The following PRKCH variants were observed in gnomAD, a reference collection of about 807,000 sequenced individuals.
PRKCH encodes protein kinase C eta type.
Under a neutral mutation model 82.5 loss-of-function variants are expected in PRKCH, and 28 were observed. That is an observed-to-expected ratio of 0.34 (90% CI 0.25 to 0.47). The LOEUF (loss-of-function observed/expected upper bound fraction) is 0.47, where lower values mean the gene tolerates loss of function less well. PRKCH is among the 20% of genes least tolerant of loss of function. PRKCH has a pLI of 1.00. For missense variants in PRKCH, 705 were observed against 881.8 expected, an observed-to-expected ratio of 0.80 and a Z score of 2.54; for synonymous variants, 322 against 327.4, an observed-to-expected ratio of 0.98 and a Z score of 0.18.
intron 4 of PRKCH, among the ~76,000 whole-genome samples, chr14:61,446,915 T>C (rs1488667597): frequency 6.6e-6 from 1 of 152,264 alleles, no homozygotes; most frequent in East Asian, 1.9e-4. Context: ...TTTTTCTCTT[T>C]GTCCTATAGT....
intron 1 of PRKCH, among the ~76,000 whole-genome samples, chr14:61,336,331 A>G (rs2045856969): frequency 6.6e-6 from 1 of 152,368 alleles, no homozygotes; most frequent in South Asian, 2.1e-4. Context: ...GTGGAAGAGA[A>G]GATGGCTTCC....
At chr14:61,529,757 G>T (rs1341430343) in intron 11 of PRKCH, among the ~76,000 whole-genome samples, 1 of 117,114 alleles carries the variant, frequency 8.5e-6, no homozygotes, top group Non-Finnish European at 1.7e-5. Context: ...GACTGTGGTG[G>T]GGTGGGGGGA....
intron 7 of PRKCH, among the ~76,000 whole-genome samples, chr14:61,455,315 C>T (rs1884714712): frequency 6.6e-6 from 1 of 151,738 alleles, no homozygotes; most frequent in African/African-American, 2.4e-5. Context: ...GCTGGGATTA[C>T]AGGCTTGAGC....
At chr14:61,540,678 A>G (rs968547474) in intron 12 of PRKCH, among the ~76,000 whole-genome samples, 3 of 152,198 alleles carry the variant, frequency 2.0e-5, no homozygotes, top group Admixed American at 1.3e-4. Context: ...TGTAACTTGT[A>G]TCAAACGGTA....
At position 61,398,567 on chromosome 14, in the gene PRKCH, C is replaced by A. The variant is rs117084771; in HGVS notation, c.427+7279C>A. On this transcript the variant is annotated intron_variant, in intron 2 of 13. Coordinates refer to ENST00000332981, the MANE Select transcript of PRKCH (RefSeq NM_006255.5). ...AAATGGTTGGCCCACAAATAAAAAA[C>A]CAGACATGATGTGTCTCCTGATGGA... is the stretch of plus-strand genomic sequence containing the variant. Among the ~76,000 whole-genome samples, 168 of 152,292 alleles carry A rather than the reference C, an allele frequency of 1.1e-3. 4 individuals carry two copies. In the East Asian group the frequency reaches 0.021, roughly 19 times the overall value.
intron 2 of PRKCH, among the ~76,000 whole-genome samples, chr14:61,440,870 C>A (rs1192307623): frequency 1.3e-5 from 2 of 151,110 alleles, no homozygotes; most frequent in African/African-American, 4.9e-5. Context: ...TAAACTCTAT[C>A]CAAAAATAAA....
intron 10 of PRKCH, among the ~76,000 whole-genome samples, chr14:61,520,074 CAA>C (rs71992585): frequency 5.1e-4 from 50 of 97,340 alleles, no homozygotes; most frequent in South Asian, 1.5e-3. Flanking sequence ...CTACAGAAAC[CAA>C]AAAAAAAAAA....
At chr14:61,541,280 G>C (rs1005539098) in intron 12 of PRKCH, among the ~76,000 whole-genome samples, 1 of 152,272 alleles carries the variant, frequency 6.6e-6, no homozygotes, top group Non-Finnish European at 1.5e-5. Context: ...CCTGCAACAC[G>C]CATGCGTGGT....
rs1239723781 is a variant in PRKCH at position 61,457,205 on chromosome 14, A to G, written c.990A>G (p.Arg330=). The change falls in exon 8 of 14, where the codon CGA becomes CGG. Residue 330 remains arginine (R), a synonymous_variant. Transcript: ENST00000332981. The part of the protein sequence containing the change: ...SKLVSRSTLR[R]QGKESSKEGN... ...TCGTTTCCAGATCGACCCTAAGACGACAGGGAAAGGAGAGCAGCAAAGAAG... is the reference window on the plus strand; with the variant it reads ...TCGTTTCCAGATCGACCCTAAGACGGCAGGGAAAGGAGAGCAGCAAAGAAG... 1 of 1,614,164 alleles carries G rather than the reference A, an allele frequency of 6.2e-7. No homozygotes were observed. Among genetic ancestry groups the G allele is most frequent in the Admixed American group, 1.7e-5 (1 of 60,028 alleles).
At chr14:61,373,480 G>A (rs1326887254) in intron 1 of PRKCH, among the ~76,000 whole-genome samples, 1 of 152,004 alleles carries the variant, frequency 6.6e-6, no homozygotes, top group East Asian at 1.9e-4. Flanking sequence ...GACAGGTGGA[G>A]TTACAATTTG....
intron 1 of PRKCH, among the ~76,000 whole-genome samples, chr14:61,193,396 G>A (rs151323746): frequency 1.3e-5 from 2 of 152,038 alleles, no homozygotes; most frequent in East Asian, 3.9e-4. Flanking sequence ...CAACCAAGAG[G>A]CCTTTGTTTT....
At chr14:61,495,351 T>A (rs117996184) in intron 10 of PRKCH, among the ~76,000 whole-genome samples, 1 of 152,354 alleles carries the variant, frequency 6.6e-6, no homozygotes, top group East Asian at 1.9e-4. Flanking sequence ...AATTGATAAA[T>A]GTGTTAGTGG....
chr14:61,368,343 T>TC (rs2046324620), intron 1 of PRKCH, among the ~76,000 whole-genome samples: 1 of 150,638 alleles, frequency 6.6e-6, no homozygotes, highest in Non-Finnish European at 1.5e-5. Flanking sequence ...GAGAACCGTG[T>TC]CCCCAAGATG....
intron 1 of PRKCH, among the ~76,000 whole-genome samples, chr14:61,200,218 C>G (rs1054289218): frequency 6.6e-6 from 1 of 152,026 alleles, no homozygotes; most frequent in African/African-American, 2.4e-5. Context: ...CAAGTTTACC[C>G]AGAATGAAAA....
At chr14:61,233,736 C>T (rs1186045817) in intron 1 of PRKCH, among the ~76,000 whole-genome samples, 1 of 152,184 alleles carries the variant, frequency 6.6e-6, no homozygotes, top group Non-Finnish European at 1.5e-5. Context: ...TTGAGCTTGA[C>T]ACTTCCCCTT....
chr14:61,262,189 T>C (rs1246494753), intron 1 of PRKCH, among the ~76,000 whole-genome samples: 11 of 133,412 alleles, frequency 8.2e-5, no homozygotes, highest in Non-Finnish European at 1.6e-5. Context: ...ACCACTGCAC[T>C]CCAGCTCAGT....
chr14:61,514,717 T>A (rs2042797661), intron 10 of PRKCH, among the ~76,000 whole-genome samples: 2 of 152,130 alleles, frequency 1.3e-5, no homozygotes. Context: ...ATTATGGGCC[T>A]GGTATTTGCA....
intron 1 of PRKCH, among the ~76,000 whole-genome samples, chr14:61,217,297 G>A (rs544728365): frequency 2.1e-4 from 32 of 152,246 alleles, no homozygotes; most frequent in African/African-American, 7.5e-4. Flanking sequence ...GGAGGCTAAG[G>A]CAGGAGGATC....
chr14:61,519,942 A>T (rs1331279812), intron 10 of PRKCH, among the ~76,000 whole-genome samples: 2 of 152,136 alleles, frequency 1.3e-5, no homozygotes, highest in African/African-American at 4.8e-5. Flanking sequence ...AGGTTCTCTA[A>T]GCAAACAGGA....
Sources: allele counts gnomAD v4.1 joint callset (sites outside exome capture counted in the v4.1 genomes callset), GRCh38; gene constraint gnomAD v4.1.1; transcripts MANE v1.5; gene names NCBI Gene and HGNC (gene_info 2026-07-23, HGNC 2026-07-21).